The following RPS6KA4 variants were observed in gnomAD, a reference collection of about 807,000 sequenced individuals.
RPS6KA4 encodes ribosomal protein S6 kinase A4, also known as ribosomal protein S6 kinase alpha-4.
RPS6KA4 carries 38 observed loss-of-function variants against 89.6 expected under a neutral mutation model. The observed-to-expected ratio is 0.42, with a 90% CI of 0.33 to 0.56. The LOEUF is 0.56. Among genes scored for constraint, RPS6KA4 ranks in the 20% least tolerant of loss-of-function variants. The pLI, the probability that RPS6KA4 is intolerant of heterozygous loss-of-function variation, is 0.07. For missense variants in RPS6KA4, 873 were observed against 1,098.8 expected (o/e 0.79, Z 2.90); for synonymous variants, 495 against 492.8 (o/e 1.00, Z -0.06).
chr11:64,368,040 G>A, intron 9 of RPS6KA4, 92 bp from the exon 10 acceptor site: 1 of 1,429,448 alleles, frequency 7.0e-7, no homozygotes, highest in African/African-American at 1.4e-5. Context: ...CTTGTCCAGG[G>A]TCTTGCCTTT....
rs201363920 is a variant in RPS6KA4 at position 64,361,136 on chromosome 11, C to T, written c.465C>T (p.Leu155=). ...AGCACCCCTCTTGCTCCTACCAGCT[C>T]GGCATCATTTACCGAGACCTGAAAC... The part of the protein sequence containing the change: ...IVLALEHLHK[L]GIIYRDLKLE... The change falls in exon 5 of 17, where the codon CTC becomes CTT. Residue 155 remains leucine, a splice_region_variant and synonymous_variant. Transcript: ENST00000334205. The surrounding 1 kb of genome is among the most constrained non-coding windows in gnomAD (Gnocchi z 4.7). The T allele has an allele frequency of 3.7e-5, 59 of 1,612,836 alleles. No homozygotes were observed. Among genetic ancestry groups the T allele is most frequent in the African/African-American group, 5.3e-5 (4 of 75,008 alleles).
chr11:64,370,250 C>T lies in RPS6KA4; in HGVS notation c.1823C>T (p.Pro608Leu), dbSNP rs1217714007. Residue 608 changes from proline (P) to leucine (L), a missense_variant, in exon 15 of 17, where the codon CCC (proline) becomes CTC (leucine). Physicochemically the swap from Pro to Leu is moderately conservative, Grantham distance 98. Coordinates refer to ENST00000334205, the MANE Select transcript of RPS6KA4 (RefSeq NM_003942.3). This position sits in a 1 kb window ranked among gnomAD's most constrained non-coding sequence, Gnocchi z 4.1. ...ILYMMLSGQV[P>L]FQGASGQGGQ... Reference sequence around the variant, plus strand: ...TACATGATGCTGTCGGGGCAGGTCCCCTTCCAGGGGGCCTCTGGCCAGGGC... The same window carrying T: ...TACATGATGCTGTCGGGGCAGGTCCTCTTCCAGGGGGCCTCTGGCCAGGGC... 6.4e-7 allele frequency: 1 copy of T among 1,572,140 alleles called. No homozygotes were observed. Among genetic ancestry groups the T allele is most frequent in the Admixed American group, 2.1e-5 (1 of 46,542 alleles).
At chr11:64,366,411 C>T (rs565222098) in intron 9 of RPS6KA4, among the ~76,000 whole-genome samples, 6 of 152,200 alleles carry the variant, frequency 3.9e-5, no homozygotes, top group East Asian at 3.9e-4. Context: ...CCTTGTGGTC[C>T]GCCCACCTCG....
chr11:64,369,691 C>T lies in RPS6KA4; in HGVS notation c.1603-8C>T, dbSNP rs753280360. 2.4e-5 allele frequency: 38 copies of T among 1,604,278 alleles called. No individual in the cohort carries two copies. In the South Asian group the frequency reaches 3.6e-4, roughly 15 times the overall value. On this transcript the variant is annotated splice_polypyrimidine_tract_variant and splice_region_variant and intron_variant, in intron 13 of 16. Coordinates refer to ENST00000334205, the MANE Select transcript of RPS6KA4 (RefSeq NM_003942.3). ...CTGCCTCTGACCACTACCCCGCCGC[C>T]CTCGCAGAACATCCTGTACGCCGAC...
chr11:64,362,140 G>C, intron 8 of RPS6KA4, 138 bp downstream of exon 8: 1 of 1,064,780 alleles, frequency 9.4e-7, no homozygotes, highest in Non-Finnish European at 1.3e-6. Context: ...TGTCAGCTAG[G>C]TTTCTCTTCA....
intron 8 of RPS6KA4, among the ~76,000 whole-genome samples, chr11:64,363,962 A>C (rs2036816364): frequency 1.3e-5 from 2 of 152,202 alleles, no homozygotes; most frequent in African/African-American, 4.8e-5. Context: ...CACAGAGATC[A>C]GAATGAACAG....
chr11:64,371,490 C>G lies in RPS6KA4; in HGVS notation c.*10C>G, dbSNP rs1440290048. The G allele has an allele frequency of 9.7e-6, 10 of 1,033,760 alleles. No individual in the cohort carries two copies. Among genetic ancestry groups the G allele is most frequent in the Non-Finnish European group, 1.4e-5 (10 of 694,732 alleles). 64.0% of individuals were successfully genotyped at this position (1,033,760 alleles called of 1,614,324 possible). A position where few individuals can be genotyped will look rare whatever the true frequency, so the allele number is the denominator to read the frequency against. On this transcript the variant is annotated 3_prime_UTR_variant, in exon 17 of 17. Coordinates refer to ENST00000334205, the MANE Select transcript of RPS6KA4 (RefSeq NM_003942.3). ...CCTGCCCCCCTCCTAATCCCCACCA[C>G]TGTGACCCCCTTCCCTCATAGGGGC...
At chr11:64,366,512 A>AAACTCCCTT (rs2036889749) in intron 9 of RPS6KA4, among the ~76,000 whole-genome samples, 1 of 152,310 alleles carries the variant, frequency 6.6e-6, no homozygotes, top group East Asian at 1.9e-4. Context: ...GGACAAGTCC[A>AAACTCCCTT]AACTCCCTTT....
At position 64,371,694 on chromosome 11, in the gene RPS6KA4, G is replaced by A. The variant is rs1291114810; in HGVS notation, c.*214G>A. On this transcript the variant is annotated 3_prime_UTR_variant, in exon 17 of 17. Coordinates refer to ENST00000334205, the MANE Select transcript of RPS6KA4 (RefSeq NM_003942.3). ...AGTTGCAGGGAAGGGGGGGCCTGCT[G>A]GGGAGTGGGGTTTGGGGGGCCCTCT... 1 of 482,328 alleles carries A rather than the reference G, an allele frequency of 2.1e-6. No homozygotes were observed. Among genetic ancestry groups the A allele is most frequent in the Non-Finnish European group, 3.7e-6 (1 of 272,606 alleles). 29.9% of individuals were successfully genotyped at this position (482,328 alleles called of 1,614,324 possible).
Position 64,361,084 on chromosome 11 carries a change from TG to T in RPS6KA4, c.463-46del. ...GAGCAGGGCCAGGAGCTGGAGGAGC[TG>T]GGGAGGGTTTCGGGGAGGAAGCCTC... On this transcript the variant is annotated intron_variant, in intron 4 of 16. Coordinates refer to ENST00000334205, the MANE Select transcript of RPS6KA4 (RefSeq NM_003942.3). This position sits in a 1 kb window ranked among gnomAD's most constrained non-coding sequence, Gnocchi z 4.7. 1 of 1,519,242 alleles carries T rather than the reference TG, an allele frequency of 6.6e-7. No individual in the cohort carries two copies. 94.1% of individuals were successfully genotyped at this position (1,519,242 alleles called of 1,614,324 possible). A position where few individuals can be genotyped will look rare whatever the true frequency, so the allele number is the denominator to read the frequency against.
chr11:64,361,391 A>ACTC lies in RPS6KA4; in HGVS notation c.571-78_571-77insCTC. On this transcript the variant is annotated intron_variant, in intron 5 of 16. Transcript: ENST00000334205. The surrounding 1 kb of genome is among the most constrained non-coding windows in gnomAD (Gnocchi z 4.7). The stretch of plus-strand genomic sequence containing the variant: ...GCTCTCCAACCTCACAAGTTGAGCG[A>ACTC]GTCTTACTCTGGGCCTTGTGGGGCA... 6.5e-7 allele frequency: 1 copy of ACTC among 1,542,204 alleles called. No homozygotes were observed. The highest frequency in any genetic ancestry group is 8.9e-7 in the Non-Finnish European group (1 of 1,119,884).
chr11:64,360,632 T>C (rs764147761), intron 4 of RPS6KA4, 40 bp downstream of exon 4: 1 of 1,520,382 alleles, frequency 6.6e-7, no homozygotes, highest in South Asian at 1.2e-5. Flanking sequence ...CTATGGAAAC[T>C]GGGTCTGTGC....
rs1174133485 is a variant in RPS6KA4 at position 64,369,548 on chromosome 11, C to T, written c.1531C>T (p.Arg511Cys). Residue 511 changes from arginine (R) to cysteine (C), a missense_variant, in exon 13 of 17, where the codon CGC becomes TGC. Arg to Cys is a radical substitution (Grantham distance 180). This residue lies in a region of RPS6KA4 where 542 missense variants were observed against 736.4 expected (regional missense o/e 0.74). Coordinates refer to ENST00000334205, the MANE Select transcript of RPS6KA4 (RefSeq NM_003942.3). ...FSESEASQIL[R>C]SLVSAVSFMH... is the part of the protein sequence containing the mutation. Reference sequence around the variant, plus strand: ...CGAGTCGGAAGCAAGCCAGATCCTGCGCAGCCTCGTGTCGGCCGTGAGCTT... The same window carrying T: ...CGAGTCGGAAGCAAGCCAGATCCTGTGCAGCCTCGTGTCGGCCGTGAGCTT... 2 of 1,608,190 alleles carry T rather than the reference C, an allele frequency of 1.2e-6. No homozygotes were observed. Among genetic ancestry groups the T allele is most frequent in the Admixed American group, 1.7e-5 (1 of 59,526 alleles).
rs55643628 is a variant in RPS6KA4, at chr11:64,369,866, C to T, written c.1770C>T (p.Cys590=). 1.8e-3 allele frequency: 2,884 copies of T among 1,560,258 alleles called. 48 individuals carry two copies. In the African/African-American group the frequency reaches 0.026, roughly 14 times the overall value. The change falls in exon 14 of 17, where the codon TGC becomes TGT. Residue 590 remains cysteine, a synonymous_variant. Coordinates refer to ENST00000334205, the MANE Select transcript of RPS6KA4 (RefSeq NM_003942.3). ...LLAQQGYDES[C]DLWSLGVILY... Reference sequence around the variant, plus strand: ...CGCAGCAGGGCTACGACGAGTCCTGCGACCTCTGGAGCCTGGGCGTCATTC... The same window carrying T: ...CGCAGCAGGGCTACGACGAGTCCTGTGACCTCTGGAGCCTGGGCGTCATTC...
At chr11:64,367,020 T>TC (rs1419209772) in intron 9 of RPS6KA4, among the ~76,000 whole-genome samples, 7 of 152,374 alleles carry the variant, frequency 4.6e-5, no homozygotes, top group Admixed American at 4.6e-4. Flanking sequence ...GTAGGTACTT[T>TC]CATTCATTCA....
chr11:64,369,653 G>A, intron 13 of RPS6KA4, 34 bp downstream of exon 13: 9 of 1,600,378 alleles, frequency 5.6e-6, no homozygotes, highest in East Asian at 2.3e-5. Context: ...GGGCGGAGCG[G>A]TGGCGCCGGG....
chr11:64,364,711 AAG>A (rs2036835100), intron 8 of RPS6KA4, among the ~76,000 whole-genome samples: 1 of 150,732 alleles, frequency 6.6e-6, no homozygotes, highest in Admixed American at 6.7e-5. Flanking sequence ...CAGCAGGAGA[AAG>A]AGATTTGTTT....
rs868464213 is a variant in RPS6KA4 at position 64,372,011 on chromosome 11, C to T, written c.*531C>T. ...GCCTCACTTTATGTCATCTGCTTCT[C>T]CCCTGTTGGGGCTAAGGAAGGAGAT... On this transcript the variant is annotated 3_prime_UTR_variant, in exon 17 of 17. Transcript: ENST00000334205. 6.6e-6 allele frequency: 1 copy of T among 152,612 alleles called. No homozygotes were observed. The highest frequency in any genetic ancestry group is 2.4e-5 in the African/African-American group (1 of 41,482). The allele number at this position is 152,612 out of a possible 1,614,324, so 9.5% of individuals were successfully genotyped here.
At chr11:64,359,693 C>T (rs768299168) in intron 2 of RPS6KA4, 2 of 567,830 alleles carry the variant, frequency 3.5e-6, no homozygotes, top group African/African-American at 3.8e-5. Context: ...TGCCAACACC[C>T]TGGGGAGGGG....
Sources: allele counts gnomAD v4.1 joint callset (sites outside exome capture counted in the v4.1 genomes callset), GRCh38; gene constraint gnomAD v4.1.1; regional missense constraint gnomAD v4.1.1; non-coding constraint Gnocchi (gnomAD v3.1); transcripts MANE v1.5; gene names NCBI Gene and HGNC (gene_info 2026-07-23, HGNC 2026-07-21).